The following CNTLN variants were observed in gnomAD, a reference collection of about 807,000 sequenced individuals.
The protein encoded by CNTLN is centlein, centrosomal protein.
In CNTLN, 212 loss-of-function variants were observed where a neutral mutation model predicts 180.0. The ratio of observed to expected loss-of-function variants is 1.18; its 90% CI spans 1.05 to 1.32. The LOEUF (loss-of-function observed/expected upper bound fraction) is 1.32. Among genes scored for constraint, CNTLN ranks in the 40% most tolerant of loss-of-function variants. CNTLN has a pLI of 0.00. For missense variants in CNTLN, 2,095 were observed against 1,610.9 expected (o/e 1.30, Z -5.14); for synonymous variants, 722 against 563.1 (o/e 1.28, Z -3.99).
At chr9:17,172,554 G>A (rs1820484445) in intron 2 of CNTLN, among the ~76,000 whole-genome samples, 1 of 152,036 alleles carries the variant, frequency 6.6e-6, no homozygotes, top group African/African-American at 2.4e-5. Flanking sequence ...GAAGACGAAG[G>A]CTGGTATTTC....
chr9:17,145,932 A>G (rs1818427458), intron 2 of CNTLN, among the ~76,000 whole-genome samples: 1 of 152,044 alleles, frequency 6.6e-6, no homozygotes, highest in Admixed American at 6.5e-5. Context: ...ATAATATTTT[A>G]TGTCCATGTA....
At chr9:17,466,275 C>A (rs1274051866) in intron 22 of CNTLN, among the ~76,000 whole-genome samples, 157 bp downstream of exon 22, 1 of 151,416 alleles carries the variant, frequency 6.6e-6, no homozygotes, top group Non-Finnish European at 1.5e-5. Flanking sequence ...AAACGCCAAA[C>A]ATTGGTTTAA....
At chr9:17,249,097 C>A (rs1359695123) in intron 5 of CNTLN, among the ~76,000 whole-genome samples, 3 of 150,958 alleles carry the variant, frequency 2.0e-5, no homozygotes, top group Non-Finnish European at 4.4e-5. Context: ...TTATTTTCTT[C>A]TATGTTTGAG....
At chr9:17,491,082 C>T (rs1337693360) in intron 25 of CNTLN, among the ~76,000 whole-genome samples, 1 of 152,002 alleles carries the variant, frequency 6.6e-6, no homozygotes, top group African/African-American at 2.4e-5. Flanking sequence ...TCTGTTCTGC[C>T]CATTCTGATC....
chr9:17,493,972 A>G (rs1486130121), intron 25 of CNTLN, among the ~76,000 whole-genome samples: 2 of 152,202 alleles, frequency 1.3e-5, no homozygotes, highest in Admixed American at 1.3e-4. Flanking sequence ...AAGGCAAGTA[A>G]CTAAAGCCTC....
chr9:17,321,989 A>T (rs1819945893), intron 8 of CNTLN, among the ~76,000 whole-genome samples: 1 of 152,112 alleles, frequency 6.6e-6, no homozygotes, highest in South Asian at 2.1e-4. Flanking sequence ...GTATTTTTAT[A>T]CTTAATTAGT....
At chr9:17,151,097 G>T (rs1211941026) in intron 2 of CNTLN, among the ~76,000 whole-genome samples, 1 of 152,182 alleles carries the variant, frequency 6.6e-6, no homozygotes, top group Non-Finnish European at 1.5e-5. Flanking sequence ...TGCAAACAGA[G>T]ACAAATTGAC....
chr9:17,248,964 T>G (rs966477630), intron 5 of CNTLN, among the ~76,000 whole-genome samples: 3 of 152,108 alleles, frequency 2.0e-5, no homozygotes, highest in Admixed American at 6.6e-5. Flanking sequence ...TTTTTTTTCT[T>G]TAGTAATCTA....
At chr9:17,189,687 A>G (rs947982003) in intron 2 of CNTLN, among the ~76,000 whole-genome samples, 1 of 151,328 alleles carries the variant, frequency 6.6e-6, no homozygotes, top group African/African-American at 2.4e-5. Context: ...GGGTTTCCCT[A>G]TGTTGGCCAG....
In CNTLN at chr9:17,273,829, G is replaced by A; in HGVS notation, c.946G>A (p.Glu316Lys). 2 of 1,571,804 alleles carry A rather than the reference G, an allele frequency of 1.3e-6. No individual in the cohort carries two copies. The highest frequency in any genetic ancestry group is 2.4e-5 in the East Asian group (1 of 42,454). Residue 316 changes from glutamate to lysine, a missense_variant, in exon 6 of 26, where the codon GAA becomes AAA. By Grantham distance (56) the Glu-to-Lys change is moderately conservative (BLOSUM62 1). Coordinates refer to ENST00000380647, the MANE Select transcript of CNTLN (RefSeq NM_017738.4). Reference sequence around the variant, plus strand: ...ATTACAGTTGAGTAATAAACAGACTGAACTTATCCAGAAGGATATGGATAT... The same window carrying A: ...ATTACAGTTGAGTAATAAACAGACTAAACTTATCCAGAAGGATATGGATAT... ...LSLQLSNKQTELIQKDMDITL... is the reference protein window; with the variant it reads ...LSLQLSNKQTKLIQKDMDITL...
intron 2 of CNTLN, among the ~76,000 whole-genome samples, chr9:17,156,811 A>G (rs1048656613): frequency 6.6e-6 from 1 of 152,384 alleles, no homozygotes; most frequent in East Asian, 1.9e-4. Flanking sequence ...TATAAAAGTT[A>G]TATTCAGAAT....
chr9:17,160,998 A>G (rs911610282), intron 2 of CNTLN, among the ~76,000 whole-genome samples: 1 of 152,186 alleles, frequency 6.6e-6, no homozygotes, highest in Non-Finnish European at 1.5e-5. Context: ...TAGGAAAGAC[A>G]TTTGTAGAAA....
At chr9:17,333,261 C>A (rs1355070102) in intron 10 of CNTLN, among the ~76,000 whole-genome samples, 1 of 152,036 alleles carries the variant, frequency 6.6e-6, no homozygotes, top group Non-Finnish European at 1.5e-5. Flanking sequence ...TGTATGTTAT[C>A]GACCAGTCTT....
intron 14 of CNTLN, among the ~76,000 whole-genome samples, chr9:17,390,906 A>G (rs567187567): frequency 1.3e-5 from 2 of 152,276 alleles, no homozygotes; most frequent in South Asian, 4.1e-4. Flanking sequence ...AAAACCACAG[A>G]CATCTTCAGT....
At chr9:17,413,685 A>G (rs937042160) in intron 16 of CNTLN, among the ~76,000 whole-genome samples, 2 of 152,204 alleles carry the variant, frequency 1.3e-5, no homozygotes, top group African/African-American at 4.8e-5. Flanking sequence ...ACTATTAGGA[A>G]ACAGCTAAAG....
chr9:17,379,418 C>T (rs1005822100), intron 13 of CNTLN, among the ~76,000 whole-genome samples: 3 of 152,084 alleles, frequency 2.0e-5, no homozygotes, highest in African/African-American at 4.8e-5. Context: ...AACTCTAGCT[C>T]ACTTGACCTC....
chr9:17,153,172 T>G (rs961315402), intron 2 of CNTLN, among the ~76,000 whole-genome samples: 1 of 152,180 alleles, frequency 6.6e-6, no homozygotes, highest in Non-Finnish European at 1.5e-5. Context: ...AGGTTAATAT[T>G]TTTATATGTG....
intron 5 of CNTLN, among the ~76,000 whole-genome samples, chr9:17,253,118 C>T (rs1260108047): frequency 6.6e-6 from 1 of 151,688 alleles, no homozygotes; most frequent in Admixed American, 6.6e-5. Flanking sequence ...TATTTTGTTT[C>T]ATTGGTCTAT....
At chr9:17,257,538 T>G (rs1325356434) in intron 5 of CNTLN, among the ~76,000 whole-genome samples, 1 of 151,540 alleles carries the variant, frequency 6.6e-6, no homozygotes, top group African/African-American at 2.4e-5. Context: ...TCTAGATCCC[T>G]GAGGAATCGC....
Sources: allele counts gnomAD v4.1 joint callset (sites outside exome capture counted in the v4.1 genomes callset), GRCh38; gene constraint gnomAD v4.1.1; transcripts MANE v1.5; gene names NCBI Gene and HGNC (gene_info 2026-07-23, HGNC 2026-07-21).